The following SFSWAP variants were observed in gnomAD, a reference collection of about 807,000 sequenced individuals.
The protein encoded by SFSWAP is splicing factor SWAP.
SFSWAP carries 17 observed loss-of-function variants against 100.7 expected under a neutral mutation model. The ratio of observed to expected loss-of-function variants is 0.17; its 90% CI spans 0.12 to 0.25. SFSWAP has a LOEUF of 0.25. SFSWAP is among the 10% of genes least tolerant of loss of function. SFSWAP has a pLI of 1.00. For missense variants in SFSWAP, 1,005 were observed against 1,262.6 expected, an observed-to-expected ratio of 0.80 and a Z score of 3.09; for synonymous variants, 504 against 510.1, an observed-to-expected ratio of 0.99 and a Z score of 0.16.
At chr12:131,782,111 G>A (rs868673216) in intron 14 of SFSWAP, among the ~76,000 whole-genome samples, 4 of 152,194 alleles carry the variant, frequency 2.6e-5, no homozygotes, top group Admixed American at 2.6e-4. Flanking sequence ...CCAGGAGATC[G>A]AATCTAGCCT....
chr12:131,786,661 T>TC (rs1884916656), intron 15 of SFSWAP, 73 bp downstream of exon 15: 1 of 1,489,596 alleles, frequency 6.7e-7, no homozygotes, highest in South Asian at 1.3e-5. Context: ...CGTCTGAAGG[T>TC]CGGGTATCTG....
chr12:131,726,424 G>A (rs1419497987), intron 5 of SFSWAP, among the ~76,000 whole-genome samples: 1 of 152,190 alleles, frequency 6.6e-6, no homozygotes, highest in Non-Finnish European at 1.5e-5. Context: ...TGGCCAGGCT[G>A]GTCTCAAACT....
intron 3 of SFSWAP, among the ~76,000 whole-genome samples, chr12:131,718,499 T>C (rs1255701026): frequency 3.3e-5 from 5 of 152,220 alleles, no homozygotes; most frequent in Non-Finnish European, 1.5e-5. Context: ...AGAAAGATAA[T>C]GTGTAGTACG....
chr12:131,782,702 ATATT>A (rs1884589634), intron 14 of SFSWAP, among the ~76,000 whole-genome samples: 1 of 152,230 alleles, frequency 6.6e-6, no homozygotes, highest in Non-Finnish European at 1.5e-5. Context: ...AGCACAACGA[ATATT>A]TATTTAATGG....
At chr12:131,732,668 T>C (rs916362965) in intron 7 of SFSWAP, among the ~76,000 whole-genome samples, 3 of 152,266 alleles carry the variant, frequency 2.0e-5, no homozygotes, top group African/African-American at 7.2e-5. Context: ...GGGTTTCATA[T>C]ACAGCCTGTT....
At position 131,740,966 on chromosome 12, in the gene SFSWAP, C is replaced by CTTTTTTTTTTTTTTTTTTTTT. The variant is rs60047663; in HGVS notation, c.1082-12153_1082-12133dup. ...TCATTTCTTTTTTTTTCTTTTTTTT[C>CTTTTTTTTTTTTTTTTTTTTT]TTTTTTTTTTTTTTTTTTTTTTTTG... On this transcript the variant is annotated intron_variant, in intron 7 of 17. Coordinates refer to ENST00000261674, the MANE Select transcript of SFSWAP (RefSeq NM_004592.4). Among the ~76,000 whole-genome samples the CTTTTTTTTTTTTTTTTTTTTT allele has an allele frequency of 8.4e-4, 59 of 70,156 alleles. 1 individual carries two copies. The highest frequency in any genetic ancestry group is 1.0e-3 in the East Asian group (2 of 1,968). The allele number at this position is 70,156 out of a possible 152,430, so 46.0% of individuals were successfully genotyped here. A position where few individuals can be genotyped will look rare whatever the true frequency, so the allele number is the denominator to read the frequency against.
At chr12:131,786,178 C>T (rs912049262) in intron 14 of SFSWAP, among the ~76,000 whole-genome samples, 1 of 152,202 alleles carries the variant, frequency 6.6e-6, no homozygotes, top group Non-Finnish European at 1.5e-5. Flanking sequence ...CAGCTCCAGC[C>T]TCCACGCCAG....
chr12:131,756,344 C>G, intron 10 of SFSWAP, 129 bp from the exon 11 acceptor site: 1 of 743,536 alleles, frequency 1.3e-6, no homozygotes, highest in Non-Finnish European at 2.2e-6. Context: ...GAAGTCTGTT[C>G]CCAGTGCTGC....
chr12:131,756,573 C>T lies in SFSWAP; in HGVS notation c.1649C>T (p.Ala550Val), dbSNP rs1219613065. The part of the protein sequence containing the change: ...GAPEDAAEVG[A>V]RAGSGGKKEA... ...CCTGAAGACGCAGCCGAGGTGGGAG[C>T]ACGGGCAGGCTCAGGCGGGAAGAAG... The change falls in exon 11 of 18, where the codon GCA (alanine) becomes GTA (valine). Residue 550 changes from alanine (A) to valine (V), a missense_variant. By Grantham distance (64) the Ala-to-Val change is moderately conservative (BLOSUM62 0). This residue lies in a region of SFSWAP where 311 missense variants were observed against 317.8 expected (regional missense o/e 0.98). Transcript: ENST00000261674. 6.2e-7 allele frequency: 1 copy of T among 1,613,656 alleles called. No individual in the cohort carries two copies. Among genetic ancestry groups the T allele is most frequent in the South Asian group, 1.1e-5 (1 of 91,024 alleles).
intron 11 of SFSWAP, 148 bp downstream of exon 11, chr12:131,756,792 C>A (rs941311920): frequency 1.5e-6 from 1 of 672,118 alleles, no homozygotes; most frequent in Non-Finnish European, 2.5e-6. Context: ...AAACCTCTGC[C>A]TTCCATGCTG....
chr12:131,753,185 C>T lies in SFSWAP; in HGVS notation c.1144C>T (p.Pro382Ser). 6.2e-7 allele frequency: 1 copy of T among 1,614,166 alleles called. No homozygotes were observed. Among genetic ancestry groups the T allele is most frequent in the Non-Finnish European group, 8.5e-7 (1 of 1,180,024 alleles). ...ACCGGACGGCACTTACTGCCTGGCGCCGCCCCCTCCCGGAATCGACGTGAC... is the reference window on the plus strand; with the variant it reads ...ACCGGACGGCACTTACTGCCTGGCGTCGCCCCCTCCCGGAATCGACGTGAC... ...MLPDGTYCLA[P>S]PPPGIDVTTY... The change falls in exon 8 of 18, where the codon CCG becomes TCG. Residue 382 changes from proline (P) to serine (S), a missense_variant. This residue lies in a region of SFSWAP where 311 missense variants were observed against 317.8 expected (regional missense o/e 0.98). Transcript: ENST00000261674.
Position 131,797,470 on chromosome 12 carries a change from G to C in SFSWAP, c.2717+110G>C, listed in dbSNP as rs1003410340. On this transcript the variant is annotated intron_variant, in intron 16 of 17. Coordinates refer to ENST00000261674, the MANE Select transcript of SFSWAP (RefSeq NM_004592.4). ...ATGTCAGTACTCGCCTGTGTCCAGG[G>C]GGCGCCAGCCACAAAGCCAAACCGC... 2.8e-5 allele frequency: 29 copies of C among 1,048,720 alleles called. No homozygotes were observed. The African/African-American group carries it at 3.2e-4, about 12-fold the overall frequency. 65.0% of individuals were successfully genotyped at this position (1,048,720 alleles called of 1,614,324 possible).
At chr12:131,779,208 TGTGTGTGAAGAGGGCGGCGCGGGTGAGC>T (rs1566051442) in intron 14 of SFSWAP, among the ~76,000 whole-genome samples, 2 of 63,990 alleles carry the variant, frequency 3.1e-5, no homozygotes, top group African/African-American at 9.4e-5. Context: ...CGCGGATGAG[TGTGTGTGAAGAGGGCGGCGCGGGTGAGC>T]GTGTGTGAAG....
At chr12:131,770,935 A>G (rs1883540371) in intron 13 of SFSWAP, among the ~76,000 whole-genome samples, 2 of 152,162 alleles carry the variant, frequency 1.3e-5, no homozygotes, top group Non-Finnish European at 1.5e-5. Flanking sequence ...GGGATTCTGC[A>G]GTGTCTGTGC....
At chr12:131,793,359 C>T (rs1885411672) in intron 15 of SFSWAP, among the ~76,000 whole-genome samples, 1 of 152,172 alleles carries the variant, frequency 6.6e-6, no homozygotes, top group Admixed American at 6.5e-5. Flanking sequence ...GCTGTGACTG[C>T]AGGCATGAGC....
At chr12:131,760,508 G>A (rs1199305197) in intron 11 of SFSWAP, among the ~76,000 whole-genome samples, 1 of 152,212 alleles carries the variant, frequency 6.6e-6, no homozygotes, top group Non-Finnish European at 1.5e-5. Flanking sequence ...GACAGAGGCT[G>A]TGGGCAGTAG....
rs34225497 is a variant in SFSWAP, at chr12:131,756,547, G to A, written c.1623G>A (p.Ala541=). The change falls in exon 11 of 18, where the codon GCG becomes GCA. Residue 541 remains alanine, a synonymous_variant. Coordinates refer to ENST00000261674, the MANE Select transcript of SFSWAP (RefSeq NM_004592.4). ...CAAGTGATGCTGGGGAGGATGGCGC[G>A]CCTGAAGACGCAGCCGAGGTGGGAG... is the stretch of plus-strand genomic sequence containing the variant. ...EKPSDAGEDG[A]PEDAAEVGAR... The A allele has an allele frequency of 6.6e-5, 106 of 1,613,834 alleles. No individual in the cohort carries two copies. Among genetic ancestry groups the A allele is most frequent in the Non-Finnish European group, 8.1e-5 (95 of 1,179,982 alleles).
chr12:131,766,765 A>C (rs1161503840), intron 13 of SFSWAP, among the ~76,000 whole-genome samples: 1 of 152,270 alleles, frequency 6.6e-6, no homozygotes, highest in Non-Finnish European at 1.5e-5. Flanking sequence ...GAGGGAGTTA[A>C]GAGAACAGAC....
chr12:131,760,816 G>A (rs1021375152), intron 11 of SFSWAP, among the ~76,000 whole-genome samples: 3 of 152,206 alleles, frequency 2.0e-5, no homozygotes, highest in Non-Finnish European at 4.4e-5. Context: ...GCTCACGCTT[G>A]TAATCCCAGC....
Sources: allele counts gnomAD v4.1 joint callset (sites outside exome capture counted in the v4.1 genomes callset), GRCh38; gene constraint gnomAD v4.1.1; regional missense constraint gnomAD v4.1.1; transcripts MANE v1.5; gene names NCBI Gene and HGNC (gene_info 2026-07-23, HGNC 2026-07-21).